Variants in ENAH observed in about 807,000 individuals in gnomAD.
ENAH encodes the protein protein enabled homolog.
In ENAH, 23 loss-of-function variants were observed where a neutral mutation model predicts 78.7. The ratio of observed to expected loss-of-function variants is 0.29; its 90% confidence interval spans 0.21 to 0.41. The LOEUF is 0.41. Among genes scored for constraint, ENAH ranks in the 10% least tolerant of loss-of-function variants. The pLI is 1.00. For synonymous variants in ENAH, 226 were observed against 241.0 expected (o/e 0.94, Z 0.58); for missense variants, 544 against 691.0 (o/e 0.79, Z 2.39).
intron 1 of ENAH, among the ~76,000 whole-genome samples, chr1:225,633,942 T>G (rs890932763): frequency 6.6e-6 from 1 of 152,194 alleles, no homozygotes; most frequent in Non-Finnish European, 1.5e-5. Flanking sequence ...ATATCAGGTC[T>G]TTGGAACTCA....
At chr1:225,634,456 C>G (rs973818028) in intron 1 of ENAH, among the ~76,000 whole-genome samples, 1 of 152,108 alleles carries the variant, frequency 6.6e-6, no homozygotes, top group Admixed American at 6.5e-5. Context: ...AAGGTGTGTA[C>G]TACTGGTATT....
rs1453146574 is a variant in ENAH at position 225,650,246 on chromosome 1, G to C, written c.5+2440C>G. ...CTGCTCTTATTCAAAATTAGCCTACGAAGAATTACTGTAGACTGCTTAAAT... is the reference window on the plus strand; with the variant it reads ...CTGCTCTTATTCAAAATTAGCCTACCAAGAATTACTGTAGACTGCTTAAAT... On this transcript the variant is annotated intron_variant, in intron 1 of 13. Coordinates refer to ENST00000366843, the MANE Select transcript of ENAH (RefSeq NM_018212.6). Among the ~76,000 whole-genome samples the C allele has an allele frequency of 2.0e-5, 3 of 152,134 alleles. No individual in the cohort carries two copies. The South Asian group carries it at 6.2e-4, about 32-fold the overall frequency.
rs189886477 is a variant in ENAH at position 225,526,818 on chromosome 1, T to A, written c.434+3736A>T. Among the ~76,000 whole-genome samples the A allele has an allele frequency of 3.9e-5, 6 of 152,356 alleles. No individual in the cohort carries two copies. The East Asian group carries it at 1.2e-3, about 29-fold the overall frequency. On this transcript the variant is annotated intron_variant, in intron 4 of 13. Transcript: ENST00000366843. The stretch of plus-strand genomic sequence containing the variant: ...TTTAGGTTTTCTTCCGCTCCCTGCA[T>A]TGCATCTATTTCATACAATTTCAAC...
intron 1 of ENAH, among the ~76,000 whole-genome samples, chr1:225,601,806 C>T (rs906578534): frequency 6.6e-5 from 10 of 150,778 alleles, no homozygotes; most frequent in Non-Finnish European, 1.5e-4. Context: ...ATAACCCTTA[C>T]GTTAAAAAGG....
At chr1:225,615,843 T>C (rs1434236166) in intron 1 of ENAH, among the ~76,000 whole-genome samples, 1 of 151,936 alleles carries the variant, frequency 6.6e-6, no homozygotes, top group East Asian at 1.9e-4. Context: ...CAACAGCTCA[T>C]TGAGAACGGG....
chr1:225,560,155 C>T (rs2096693622), intron 2 of ENAH, among the ~76,000 whole-genome samples: 1 of 151,974 alleles, frequency 6.6e-6, no homozygotes, highest in African/African-American at 2.4e-5. Context: ...TTTACTAGAA[C>T]CTAGGCAAAT....
rs972176737 is a variant in ENAH at position 225,491,686 on chromosome 1, G to C, written c.*6089C>G. ...GACTTGGATGGAAACTTTTGGACTT[G>C]ATGGGAAAATTAACTCTCAATCTAA... On this transcript the variant is annotated 3_prime_UTR_variant, in exon 14 of 14. Coordinates refer to ENST00000366843, the MANE Select transcript of ENAH (RefSeq NM_018212.6). 1 of 152,136 alleles carries C rather than the reference G, an allele frequency of 6.6e-6. No homozygotes were observed. Among genetic ancestry groups the C allele is most frequent in the East Asian group, 1.9e-4 (1 of 5,188 alleles). 9.4% of individuals were successfully genotyped at this position (152,136 alleles called of 1,614,324 possible).
At chr1:225,546,391 C>G (rs1238449321) in intron 3 of ENAH, among the ~76,000 whole-genome samples, 1 of 152,030 alleles carries the variant, frequency 6.6e-6, no homozygotes, top group African/African-American at 2.4e-5. Flanking sequence ...AATTCCAACC[C>G]AGAACTTTGA....
chr1:225,619,614 A>T (rs1239841480), intron 1 of ENAH, among the ~76,000 whole-genome samples: 1 of 152,212 alleles, frequency 6.6e-6, no homozygotes, highest in Non-Finnish European at 1.5e-5. Flanking sequence ...GATCAGGGGA[A>T]GGAGGATGAC....
chr1:225,550,610 C>A (rs1437944558), intron 3 of ENAH, among the ~76,000 whole-genome samples: 1 of 151,898 alleles, frequency 6.6e-6, no homozygotes. Flanking sequence ...AAAACTCATA[C>A]AAATGTACAT....
chr1:225,560,850 A>G (rs1331067073), intron 2 of ENAH, among the ~76,000 whole-genome samples: 1 of 152,264 alleles, frequency 6.6e-6, no homozygotes, highest in Non-Finnish European at 1.5e-5. Flanking sequence ...TACTTTTTCA[A>G]TTGTTCATAA....
At chr1:225,629,759 C>G (rs1409377582) in intron 1 of ENAH, among the ~76,000 whole-genome samples, 1 of 152,106 alleles carries the variant, frequency 6.6e-6, no homozygotes, top group Non-Finnish European at 1.5e-5. Context: ...ATGTTTTTCT[C>G]CCTTTTTACT....
rs566612908 is a variant in ENAH at position 225,619,205 on chromosome 1, C to G, written c.5+33481G>C. 9.2e-4 allele frequency among the ~76,000 whole-genome samples: 140 copies of G among 152,126 alleles called. 2 individuals are homozygous for G. In the South Asian group the frequency reaches 0.028, roughly 30 times the overall value. ...CTATTGTCTTTCATTTGTGATAAAT[C>G]CTGTTAAAAACCTACAGTTAGAAAA... On this transcript the variant is annotated intron_variant, in intron 1 of 13. Transcript: ENST00000366843.
At chr1:225,596,556 T>C (rs1334417169) in intron 1 of ENAH, among the ~76,000 whole-genome samples, 2 of 152,206 alleles carry the variant, frequency 1.3e-5, no homozygotes, top group African/African-American at 2.4e-5. Context: ...AAGTACTCTG[T>C]TCAAGTTTAA....
In ENAH at chr1:225,633,421, A is replaced by G. The variant is rs186018877; in HGVS notation, c.5+19265T>C. 7.1e-4 allele frequency among the ~76,000 whole-genome samples: 108 copies of G among 152,232 alleles called. 1 individual carries two copies. Among genetic ancestry groups the G allele is most frequent in the Middle Eastern group, 3.4e-3 (1 of 294 alleles). On this transcript the variant is annotated intron_variant, in intron 1 of 13. Transcript: ENST00000366843. The stretch of plus-strand genomic sequence containing the variant: ...TCCTACTGCTTCCAACACAAACTCC[A>G]ACATGAGACTTGAGACAGCATTGGA...
At chr1:225,537,149 A>C (rs1197352048) in intron 3 of ENAH, among the ~76,000 whole-genome samples, 1 of 152,142 alleles carries the variant, frequency 6.6e-6, no homozygotes, top group Non-Finnish European at 1.5e-5. Context: ...ACCCATAAGG[A>C]CAATTTTTAA....
chr1:225,631,963 A>T (rs1354632155), intron 1 of ENAH, among the ~76,000 whole-genome samples: 2 of 147,962 alleles, frequency 1.4e-5, no homozygotes, highest in Admixed American at 6.6e-5. Context: ...TCCTACTCAC[A>T]ATTTGTTTGT....
intron 1 of ENAH, among the ~76,000 whole-genome samples, chr1:225,649,221 T>C (rs1662528387): frequency 6.6e-6 from 1 of 152,190 alleles, no homozygotes; most frequent in Non-Finnish European, 1.5e-5. Context: ...AGTAAATGGC[T>C]TGGACAAATC....
At chr1:225,639,604 C>T (rs1440523992) in intron 1 of ENAH, among the ~76,000 whole-genome samples, 2 of 152,128 alleles carry the variant, frequency 1.3e-5, no homozygotes, top group East Asian at 3.9e-4. Context: ...TCTTGGACTT[C>T]TCAGCCTCCG....
Sources: allele counts gnomAD v4.1 joint callset (sites outside exome capture counted in the v4.1 genomes callset), GRCh38; gene constraint gnomAD v4.1.1; transcripts MANE v1.5; gene names NCBI Gene and HGNC (gene_info 2026-07-23, HGNC 2026-07-21).